The following TANGO6 variants were observed in gnomAD, a reference collection of about 807,000 sequenced individuals.
TANGO6 encodes the protein transport and Golgi organization protein 6 homolog.
A neutral mutation model predicts 114.2 loss-of-function variants in TANGO6; 90 were observed. The observed-to-expected ratio is 0.79, with a 90% CI of 0.66 to 0.94. The LOEUF (loss-of-function observed/expected upper bound fraction) is 0.94. Ranked by LOEUF, TANGO6 falls within the 40% of genes least tolerant of loss-of-function variation. The pLI, the probability that TANGO6 is intolerant of heterozygous loss-of-function variation, is 0.00. For synonymous variants in TANGO6, 477 were observed against 509.8 expected (o/e 0.94, Z 0.87); for missense variants, 1,274 against 1,315.3 (o/e 0.97, Z 0.49).
chr16:69,084,561 A>G lies in TANGO6; in HGVS notation c.*900A>G, dbSNP rs944341711. Reference sequence around the variant, plus strand: ...GCCAGGGCTGTTGAAACAATTTCAGATATAGCACTGTGGTCTCCACTTTAT... The same window carrying G: ...GCCAGGGCTGTTGAAACAATTTCAGGTATAGCACTGTGGTCTCCACTTTAT... On this transcript the variant is annotated 3_prime_UTR_variant, in exon 18 of 18. Coordinates refer to ENST00000261778, the MANE Select transcript of TANGO6 (RefSeq NM_024562.2). 1 of 152,372 alleles carries G rather than the reference A, an allele frequency of 6.6e-6. No homozygotes were observed. The highest frequency in any genetic ancestry group is 2.4e-5 in the African/African-American group (1 of 41,456). 9.4% of individuals were successfully genotyped at this position (152,372 alleles called of 1,614,324 possible). A position where few individuals can be genotyped will look rare whatever the true frequency, so the allele number is the denominator to read the frequency against.
At chr16:69,032,417 C>T (rs1959611066) in intron 16 of TANGO6, among the ~76,000 whole-genome samples, 1 of 151,938 alleles carries the variant, frequency 6.6e-6, no homozygotes, top group Admixed American at 6.6e-5. Context: ...AGGCATGTGC[C>T]ACCATGCCCA....
chr16:68,977,031 C>CT (rs1351087097), intron 15 of TANGO6, among the ~76,000 whole-genome samples: 1 of 152,094 alleles, frequency 6.6e-6, no homozygotes, highest in Non-Finnish European at 1.5e-5. Flanking sequence ...AAATTTTACT[C>CT]TTTATCTGGT....
intron 15 of TANGO6, among the ~76,000 whole-genome samples, chr16:69,019,768 G>A (rs1959368769): frequency 6.6e-6 from 1 of 152,088 alleles, no homozygotes; most frequent in African/African-American, 2.4e-5. Flanking sequence ...AAACTCCTGG[G>A]CTCAAGCAAT....
At chr16:68,944,112 T>C (rs1175032481) in intron 14 of TANGO6, among the ~76,000 whole-genome samples, 2 of 152,194 alleles carry the variant, frequency 1.3e-5, no homozygotes, top group African/African-American at 4.8e-5. Flanking sequence ...ATTGCCATGG[T>C]CTTTTAGTTT....
chr16:68,866,897 A>G (rs1962186335), intron 3 of TANGO6, among the ~76,000 whole-genome samples, 182 bp from the exon 4 acceptor site: 1 of 151,174 alleles, frequency 6.6e-6, no homozygotes, highest in African/African-American at 2.4e-5. Context: ...AGATTTTGCC[A>G]CTGCACTCCT....
chr16:68,866,710 G>A (rs1472715249), intron 3 of TANGO6, among the ~76,000 whole-genome samples: 2 of 152,070 alleles, frequency 1.3e-5, no homozygotes, highest in Non-Finnish European at 2.9e-5. Context: ...GCTGAGGTGG[G>A]TGGATCACCT....
chr16:68,864,369 T>G (rs1366085352), intron 3 of TANGO6, among the ~76,000 whole-genome samples: 1 of 150,954 alleles, frequency 6.6e-6, no homozygotes, highest in Non-Finnish European at 1.5e-5. Context: ...AGGTCAGGAG[T>G]TTGAGGCCAA....
intron 17 of TANGO6, among the ~76,000 whole-genome samples, chr16:69,050,579 T>G (rs1959933084): frequency 6.7e-6 from 1 of 150,036 alleles, no homozygotes; most frequent in Non-Finnish European, 1.5e-5. Flanking sequence ...AACCTCCGCC[T>G]CCCGGGTTCA....
chr16:68,944,453 C>T (rs1456176811), intron 14 of TANGO6, among the ~76,000 whole-genome samples: 2 of 152,124 alleles, frequency 1.3e-5, no homozygotes, highest in African/African-American at 4.8e-5. Context: ...ACTCAGACCT[C>T]ACAGCTGAGG....
At chr16:69,016,160 ATTTC>A (rs1248596959) in intron 15 of TANGO6, among the ~76,000 whole-genome samples, 1 of 151,860 alleles carries the variant, frequency 6.6e-6, no homozygotes, top group Non-Finnish European at 1.5e-5. Flanking sequence ...GGGAGCTTTG[ATTTC>A]TTGTTCATGC....
Position 68,926,581 on chromosome 16 carries a change from G to A in TANGO6, c.2128-987G>A, listed in dbSNP as rs184932750. Reference sequence around the variant, plus strand: ...CTCGCTCTGTTGCCCAAGCTGGAGGGCAGTGGCGTGATCTCAGCTCACTGC... The same window carrying A: ...CTCGCTCTGTTGCCCAAGCTGGAGGACAGTGGCGTGATCTCAGCTCACTGC... On this transcript the variant is annotated intron_variant, in intron 12 of 17. Coordinates refer to ENST00000261778, the MANE Select transcript of TANGO6 (RefSeq NM_024562.2). 5.3e-5 allele frequency among the ~76,000 whole-genome samples: 8 copies of A among 151,702 alleles called. No individual in the cohort carries two copies. In the East Asian group the frequency reaches 1.6e-3, roughly 30 times the overall value.
intron 7 of TANGO6, among the ~76,000 whole-genome samples, chr16:68,882,772 A>T (rs1405704257): frequency 6.6e-6 from 1 of 152,050 alleles, no homozygotes; most frequent in African/African-American, 2.4e-5. Context: ...TAATCCCAAC[A>T]CTTTGGGAGG....
intron 7 of TANGO6, among the ~76,000 whole-genome samples, chr16:68,891,310 G>T (rs77002683): frequency 2.5e-5 from 3 of 120,254 alleles, no homozygotes; most frequent in Admixed American, 8.2e-5. Context: ...AAAAAAAAAA[G>T]AAATTAGCTG....
chr16:68,874,836 G>C (rs1160928718), intron 4 of TANGO6, among the ~76,000 whole-genome samples: 2 of 152,070 alleles, frequency 1.3e-5, no homozygotes, highest in East Asian at 3.9e-4. Context: ...TGTAATCCCA[G>C]CTACTCGGGA....
intron 14 of TANGO6, among the ~76,000 whole-genome samples, chr16:68,952,744 A>G (rs937934115): frequency 2.6e-5 from 4 of 152,090 alleles, no homozygotes; most frequent in African/African-American, 9.7e-5. Flanking sequence ...CTCCTGCCCC[A>G]GAGGAGGATT....
intron 14 of TANGO6, among the ~76,000 whole-genome samples, chr16:68,958,921 G>C (rs144383607): frequency 2.0e-5 from 3 of 152,120 alleles, no homozygotes; most frequent in Non-Finnish European, 4.4e-5. Context: ...CTGGTTATCA[G>C]AGTAAGACCC....
rs1407599914 is a variant in TANGO6, at chr16:68,860,490, C to T, written c.701C>T (p.Pro234Leu). 6.2e-7 allele frequency: 1 copy of T among 1,613,706 alleles called. No homozygotes were observed. The highest frequency in any genetic ancestry group is 1.7e-5 in the Admixed American group (1 of 60,000). ...GGTCTGTGCCAACTGGGATTCTGCC[C>T]AACCAAAAGAAAACTGCTAACACCT... ...AAGLCQLGFC[P>L]TKRKLLTPAE... The change falls in exon 2 of 18, where the codon CCA becomes CTA. Residue 234 changes from proline to leucine, a missense_variant. By Grantham distance (98) the Pro-to-Leu change is moderately conservative. Transcript: ENST00000261778.
At chr16:68,959,685 C>CA (rs1158070444) in intron 14 of TANGO6, among the ~76,000 whole-genome samples, 3 of 152,326 alleles carry the variant, frequency 2.0e-5, no homozygotes, top group African/African-American at 7.2e-5. Flanking sequence ...GCCCCAGACA[C>CA]AGGGCACATC....
chr16:68,891,213 A>G (rs1962610970), intron 7 of TANGO6, among the ~76,000 whole-genome samples: 1 of 150,712 alleles, frequency 6.6e-6, no homozygotes, highest in South Asian at 2.1e-4. Context: ...AATTGCTTGT[A>G]CCTGGGAGGC....
Sources: allele counts gnomAD v4.1 joint callset (sites outside exome capture counted in the v4.1 genomes callset), GRCh38; gene constraint gnomAD v4.1.1; transcripts MANE v1.5; gene names NCBI Gene and HGNC (gene_info 2026-07-23, HGNC 2026-07-21).